The following STARD9 variants were observed in gnomAD, a reference collection of about 807,000 sequenced individuals.
STARD9 encodes the protein StAR related lipid transfer domain containing 9.
STARD9 carries 346 observed loss-of-function variants against 399.8 expected under a neutral mutation model. That is an observed-to-expected ratio of 0.87 (90% CI 0.79 to 0.95). The LOEUF (loss-of-function observed/expected upper bound fraction) is 0.95, where lower values mean the gene tolerates loss of function less well. Among genes scored for constraint, STARD9 ranks in the 40% least tolerant of loss-of-function variants. The probability of loss-of-function intolerance (pLI) is 0.00; values close to 1 mark genes in which losing one functional copy is unlikely to be tolerated. For synonymous variants in STARD9, 2,203 were observed against 2,143.5 expected, an observed-to-expected ratio of 1.03 and a Z score of -0.77; for missense variants, 5,832 against 5,667.5, an observed-to-expected ratio of 1.03 and a Z score of -0.93.
intron 1 of STARD9, 44 bp from the exon 2 acceptor site, chr15:42,583,302 A>G (rs1266985539): frequency 1.4e-6 from 2 of 1,464,082 alleles, no homozygotes; most frequent in African/African-American, 2.8e-5. Context: ...TTTTTTCTTG[A>G]TTTTAAAAAC....
chr15:42,656,327 TAAAAAAAAAA>T (rs869264641), intron 9 of STARD9, among the ~76,000 whole-genome samples: 3 of 35,334 alleles, frequency 8.5e-5, no homozygotes, highest in African/African-American at 1.1e-4. Flanking sequence ...AGCCATCTCC[TAAAAAAAAAA>T]AAAAAAAAAA....
At position 42,689,025 on chromosome 15, in the gene STARD9, T is replaced by C; in HGVS notation, c.7447T>C (p.Ser2483Pro). Residue 2483 changes from serine to proline, a missense_variant, in exon 23 of 33, where the codon TCT (serine) becomes CCT (proline). Ser to Pro is a moderately conservative substitution (Grantham distance 74). Transcript: ENST00000290607. ...EIRVSSLNKV[S>P]SQPEKRVSFS... ...AAGAGTCAGTTCACTGAACAAGGTC[T>C]CTAGCCAGCCTGAAAAGAGGGTCAG... The C allele has an allele frequency of 1.3e-6, 2 of 1,537,318 alleles. No homozygotes were observed. The highest frequency in any genetic ancestry group is 1.7e-6 in the Non-Finnish European group (2 of 1,146,936).
At position 42,575,671 on chromosome 15, in the gene STARD9, T is replaced by C; in HGVS notation, c.-45T>C. 2 of 1,533,910 alleles carry C rather than the reference T, an allele frequency of 1.3e-6. No homozygotes were observed. The highest frequency in any genetic ancestry group is 1.7e-6 in the Non-Finnish European group (2 of 1,145,344). On this transcript the variant is annotated 5_prime_UTR_variant, in exon 1 of 33. An upstream start codon of the reference 5' UTR is lost. Coordinates refer to ENST00000290607, the MANE Select transcript of STARD9 (RefSeq NM_020759.3). ...CTGGGCTTAGGGCGGGGGCCTGGGA[T>C]GCTGCCGCTGAGCTGACCCGCTGGA...
rs368433273 is a variant in STARD9 at position 42,687,428 on chromosome 15, A to C, written c.5850A>C (p.Arg1950Ser). ...AAAGTGCTGTTTCTTTGAAATCCAG[A>C]TCAGTAGATCGTAGAGTAAGCAGCC... ...PGESAVSLKS[R>S]SVDRRVSSPV... The change falls in exon 23 of 33, where the codon AGA (arginine) becomes AGC (serine). Residue 1950 changes from arginine (R) to serine (S), a missense_variant. Coordinates refer to ENST00000290607, the MANE Select transcript of STARD9 (RefSeq NM_020759.3). 2.1e-5 allele frequency: 32 copies of C among 1,537,040 alleles called. No individual in the cohort carries two copies. The highest frequency in any genetic ancestry group is 2.6e-5 in the Non-Finnish European group (30 of 1,146,928).
intron 26 of STARD9, among the ~76,000 whole-genome samples, chr15:42,706,330 C>G (rs916564055): frequency 6.6e-6 from 1 of 151,856 alleles, no homozygotes; most frequent in African/African-American, 2.4e-5. Flanking sequence ...TTTATATCTT[C>G]TGATTATTTT....
intron 3 of STARD9, among the ~76,000 whole-genome samples, chr15:42,607,450 A>G (rs1232989776): frequency 4.6e-5 from 7 of 151,150 alleles, no homozygotes; most frequent in Non-Finnish European, 1.0e-4. Context: ...TGATCTGCCC[A>G]CCTCACCCTC....
At chr15:42,580,419 G>A (rs979710270) in intron 1 of STARD9, among the ~76,000 whole-genome samples, 2 of 152,200 alleles carry the variant, frequency 1.3e-5, no homozygotes, top group Non-Finnish European at 2.9e-5. Context: ...CCCTTCCTCA[G>A]ACTTCCCCAT....
intron 2 of STARD9, among the ~76,000 whole-genome samples, chr15:42,583,655 ATTAG>A (rs1453129956): frequency 6.6e-6 from 1 of 152,170 alleles, no homozygotes; most frequent in Non-Finnish European, 1.5e-5. Flanking sequence ...TGTTTTGGAA[ATTAG>A]TTGGTAGATG....
intron 18 of STARD9, among the ~76,000 whole-genome samples, chr15:42,675,205 A>C (rs749987750): frequency 6.6e-6 from 1 of 152,210 alleles, no homozygotes; most frequent in Non-Finnish European, 1.5e-5. Context: ...TCTCCCTAGG[A>C]AAGTCTCTGA....
intron 7 of STARD9, among the ~76,000 whole-genome samples, chr15:42,641,700 G>A (rs113245184): frequency 3.8e-4 from 58 of 151,898 alleles, no homozygotes; most frequent in Non-Finnish European, 5.6e-4. Context: ...CACCTCCCAG[G>A]TTCAAGCGAT....
In STARD9 at chr15:42,686,693, T is replaced by C; in HGVS notation, c.5115T>C (p.Ser1705=). 6.5e-7 allele frequency: 1 copy of C among 1,537,736 alleles called. No homozygotes were observed. Among genetic ancestry groups the C allele is most frequent in the Non-Finnish European group, 8.7e-7 (1 of 1,146,998 alleles). The change falls in exon 23 of 33, where the codon TCT becomes TCC. Residue 1705 remains serine (S), a synonymous_variant. Coordinates refer to ENST00000290607, the MANE Select transcript of STARD9 (RefSeq NM_020759.3). ...AGAAGACAGATTGCCAGGAGAGCTC[T>C]AAGGAAGCAGTTAGAAGACACATAA... The part of the protein sequence containing the change: ...EEEKTDCQES[S]KEAVRRHINV...
intron 26 of STARD9, among the ~76,000 whole-genome samples, chr15:42,711,139 C>CTT (rs1253145945): frequency 2.9e-5 from 4 of 140,074 alleles, no homozygotes; most frequent in Non-Finnish European, 4.7e-5. Flanking sequence ...TACCACATAA[C>CTT]TTTTTTTTTT....
Position 42,688,338 on chromosome 15 carries a change from G to A in STARD9, c.6760G>A (p.Glu2254Lys), listed in dbSNP as rs1273880332. 6.5e-7 allele frequency: 1 copy of A among 1,537,388 alleles called. No homozygotes were observed. The change falls in exon 23 of 33, where the codon GAA becomes AAA. Residue 2254 changes from glutamate to lysine, a missense_variant. Coordinates refer to ENST00000290607, the MANE Select transcript of STARD9 (RefSeq NM_020759.3). ...EELETVKGFQ[E>K]SQVAEHVSSS... ...ATTGGAGACTGTGAAAGGTTTTCAG[G>A]AAAGCCAAGTAGCTGAACACGTAAG...
chr15:42,712,292 T>C (rs1350243641), intron 26 of STARD9, among the ~76,000 whole-genome samples: 2 of 149,136 alleles, frequency 1.3e-5, no homozygotes, highest in East Asian at 4.0e-4. Flanking sequence ...TGTCTTGATA[T>C]AGTGCCCTTT....
intron 3 of STARD9, among the ~76,000 whole-genome samples, chr15:42,605,845 A>T (rs1009918252): frequency 1.3e-5 from 2 of 152,188 alleles, no homozygotes; most frequent in Non-Finnish European, 2.9e-5. Context: ...CCCCTGTTAA[A>T]CTAATTTCAT....
chr15:42,650,772 G>A (rs1416192743), intron 7 of STARD9, among the ~76,000 whole-genome samples: 1 of 152,102 alleles, frequency 6.6e-6, no homozygotes, highest in African/African-American at 2.4e-5. Context: ...TGGTCTATAT[G>A]ACTTATAGAC....
At chr15:42,605,980 A>G (rs972879446) in intron 3 of STARD9, among the ~76,000 whole-genome samples, 8 of 152,200 alleles carry the variant, frequency 5.3e-5, no homozygotes, top group Non-Finnish European at 8.8e-5. Context: ...TCCTCTTTCC[A>G]TAAACATCTG....
intron 26 of STARD9, among the ~76,000 whole-genome samples, chr15:42,713,495 TC>T (rs1443488340): frequency 2.6e-5 from 4 of 152,206 alleles, no homozygotes; most frequent in African/African-American, 9.6e-5. Context: ...AAGGTATCCA[TC>T]TTTCACCATT....
Position 42,693,294 on chromosome 15 carries a change from G to T in STARD9, c.11716G>T (p.Ala3906Ser), listed in dbSNP as rs536223271. Residue 3906 changes from alanine to serine, a missense_variant, in exon 23 of 33, where the codon GCC becomes TCC. By Grantham distance (99) the Ala-to-Ser change is moderately conservative. This residue lies in a region of STARD9 where 5,828 missense variants were observed against 5,651.1 expected (regional missense o/e 1.03). Transcript: ENST00000290607. ...CTCCTCCCCAATCCTCACTCTTAGT[G>T]CCAGCACCCAAGAGCCGGGTCTTTC... ...RASSPILTLSASTQEPGLSPG... is the reference protein window; with the variant it reads ...RASSPILTLSSSTQEPGLSPG... 3.4e-5 allele frequency: 52 copies of T among 1,537,060 alleles called. No individual in the cohort carries two copies. The Admixed American group carries it at 9.8e-4, about 29-fold the overall frequency.
Sources: allele counts gnomAD v4.1 joint callset (sites outside exome capture counted in the v4.1 genomes callset), GRCh38; gene constraint gnomAD v4.1.1; regional missense constraint gnomAD v4.1.1; transcripts MANE v1.5; gene names NCBI Gene and HGNC (gene_info 2026-07-23, HGNC 2026-07-21).